Variants in GGT1 observed in about 807,000 individuals in gnomAD.
GGT1 encodes the protein gamma-glutamyltransferase 1, also known as glutathione hydrolase 1 proenzyme.
In GGT1, 21 loss-of-function variants were observed where a neutral mutation model predicts 56.0. That is an observed-to-expected ratio of 0.38 (90% CI 0.27 to 0.54). The LOEUF is 0.54. GGT1 is among the 20% of genes least tolerant of loss of function. The pLI is 0.82. For missense variants in GGT1, 466 were observed against 787.0 expected, an observed-to-expected ratio of 0.59 and a Z score of 4.88; for synonymous variants, 238 against 342.6, an observed-to-expected ratio of 0.69 and a Z score of 3.37.
At chr22:24,601,154 G>A (rs1194155559), upstream of GGT1, among the ~76,000 whole-genome samples, 3 of 152,290 alleles carry the variant, frequency 2.0e-5, no homozygotes, top group East Asian at 5.8e-4. Context: ...AGGGGTCCCT[G>A]AGATGTTGTT....
intron 7 of GGT1, among the ~76,000 whole-genome samples, chr22:24,618,881 T>C (rs2047231648): frequency 6.6e-6 from 1 of 152,128 alleles, no homozygotes; most frequent in Admixed American, 6.6e-5. Flanking sequence ...GGTCAGTGTC[T>C]GTAGTGTCCT....
At chr22:24,604,082 G>A (rs373347088) in intron 1 of GGT1, among the ~76,000 whole-genome samples, 2 of 151,880 alleles carry the variant, frequency 1.3e-5, no homozygotes, top group African/African-American at 2.4e-5. Context: ...CCAACTCCAC[G>A]TCTGGGTAGT....
intron 1 of GGT1, among the ~76,000 whole-genome samples, chr22:24,606,051 ATTATATTTATAT>A (rs1569050174): frequency 9.1e-5 from 8 of 88,216 alleles, no homozygotes; most frequent in East Asian, 5.3e-4. Flanking sequence ...TATATCATAT[ATTATATTTATAT>A]AATTTATATA....
chr22:24,619,300 A>G (rs2047258357), intron 7 of GGT1, among the ~76,000 whole-genome samples: 1 of 150,332 alleles, frequency 6.7e-6, no homozygotes. Flanking sequence ...TGGGAGGCTG[A>G]GGCAGGAGAA....
chr22:24,604,247 C>T (rs1274866022), intron 1 of GGT1, among the ~76,000 whole-genome samples: 1 of 152,126 alleles, frequency 6.6e-6, no homozygotes, highest in Non-Finnish European at 1.5e-5. Flanking sequence ...TTCCTGGGGC[C>T]AGCTGACCTC....
chr22:24,600,632 C>T (rs1258134960), upstream of GGT1, among the ~76,000 whole-genome samples: 1 of 152,236 alleles, frequency 6.6e-6, no homozygotes, highest in Non-Finnish European at 1.5e-5. Context: ...AGGAGTTCTG[C>T]CCATGCCCAC....
rs373428404 is a variant in GGT1 at position 24,623,213 on chromosome 22, G to T, written c.840G>T (p.Pro280=). Residue 280 remains proline, a synonymous_variant, in exon 10 of 16, where the codon CCG becomes CCT. Transcript: ENST00000400382. ...GDVVLYMPSA[P]LSGPVLALIL... ...TGGTGCTGTACATGCCCAGTGCGCC[G>T]CTCAGCGGGCCCGTGCTGGCCCTCA... 1.4e-5 allele frequency: 23 copies of T among 1,599,152 alleles called. No homozygotes were observed. The highest frequency in any genetic ancestry group is 1.9e-5 in the Non-Finnish European group (22 of 1,173,208).
At position 24,620,850 on chromosome 22, in the gene GGT1, G is replaced by A; in HGVS notation, c.576-63G>A. On this transcript the variant is annotated intron_variant, in intron 8 of 15. Coordinates refer to ENST00000400382, the MANE Select transcript of GGT1 (RefSeq NM_001288833.2). This position sits in a 1 kb window ranked among gnomAD's most constrained non-coding sequence, Gnocchi z 5.6. ...GCTCCGTTCTCCTGTGTGGACGGGT[G>A]TGAGGGGTGGTCTAGCTGAGTCCAC... The A allele has an allele frequency of 4.4e-6, 7 of 1,595,818 alleles. No homozygotes were observed. The highest frequency in any genetic ancestry group is 2.3e-4 in the Middle Eastern group (1 of 4,366).
the GGT1 span, among the ~76,000 whole-genome samples, chr22:24,584,731 C>G: frequency 6.6e-6 from 1 of 152,062 alleles, no homozygotes; most frequent in Non-Finnish European, 1.5e-5. Context: ...CCACTGCCCC[C>G]AGACCTTACC....
intron 1 of GGT1, among the ~76,000 whole-genome samples, chr22:24,605,926 TATATTATATATAATATATA>T (rs1343184807): frequency 0.023 from 2,164 of 93,784 alleles, 471 homozygotes; most frequent in African/African-American, 0.048. Context: ...ATGTGTATTA[TATATTATATATAATATATA>T]ATATTATATA....
upstream of GGT1, among the ~76,000 whole-genome samples, chr22:24,600,690 A>C (rs1402623153): frequency 6.6e-6 from 1 of 152,218 alleles, no homozygotes; most frequent in South Asian, 2.1e-4. Context: ...TAGCACCAGC[A>C]CTTCCATTGA....
intron 5 of GGT1, among the ~76,000 whole-genome samples, chr22:24,611,543 C>CT (rs1349743774): frequency 0.066 from 7,805 of 118,812 alleles, 278 homozygotes; most frequent in African/African-American, 0.12. Flanking sequence ...ATCTATCTAT[C>CT]ATCTATCTAT....
At position 24,607,243 on chromosome 22, in the gene GGT1, C is replaced by T. The variant is rs3895579; in HGVS notation, c.-428-711C>T. Among the ~76,000 whole-genome samples the T allele has an allele frequency of 1.1e-4, 17 of 151,892 alleles. No individual in the cohort carries two copies. The East Asian group carries it at 1.2e-3, about 10-fold the overall frequency. ...CACTCAGGGCCCCAGGCCATGTTCC[C>T]GGAACACACCTTTAGCATTGACAGC... is the stretch of plus-strand genomic sequence containing the variant. On this transcript the variant is annotated intron_variant, in intron 1 of 15. Transcript: ENST00000400382.
At chr22:24,604,163 G>A (rs1342742125) in intron 1 of GGT1, among the ~76,000 whole-genome samples, 1 of 140,030 alleles carries the variant, frequency 7.1e-6, no homozygotes, top group Admixed American at 7.1e-5. Flanking sequence ...CATATCGAGG[G>A]ATAGCGACTC....
chr22:24,588,675 T>A, the GGT1 span: 1 of 1,109,122 alleles, frequency 9.0e-7, no homozygotes, highest in Admixed American at 4.1e-5. Context: ...CTTCGGGGAC[T>A]TGCCACAGGG....
At chr22:24,602,436 G>C (rs1240879940), upstream of GGT1, among the ~76,000 whole-genome samples, 2 of 152,218 alleles carry the variant, frequency 1.3e-5, no homozygotes, top group Non-Finnish European at 2.9e-5. Context: ...GCCTTGCTAA[G>C]AGTGACAATA....
At chr22:24,621,107 C>A in intron 9 of GGT1, 37 bp downstream of exon 9, 1 of 1,550,522 alleles carries the variant, frequency 6.4e-7, no homozygotes, top group Non-Finnish European at 8.7e-7. Flanking sequence ...GTGAGGAACT[C>A]TGCAGTGGAA....
intron 7 of GGT1, among the ~76,000 whole-genome samples, chr22:24,617,691 C>T (rs1398323904): frequency 2.0e-5 from 3 of 151,886 alleles, no homozygotes; most frequent in African/African-American, 4.8e-5. Flanking sequence ...CACTCAGGAG[C>T]TCGGTTTTGG....
chr22:24,617,580 G>A (rs2047152095), intron 7 of GGT1, among the ~76,000 whole-genome samples: 1 of 152,046 alleles, frequency 6.6e-6, no homozygotes, highest in South Asian at 2.1e-4. Context: ...TGACGCTTGT[G>A]TAGGGAGTCC....
Sources: gnomAD v4.1 joint callset for allele counts (sites outside exome capture counted in the v4.1 genomes callset) on GRCh38, gnomAD v4.1.1 for gene constraint, Gnocchi (gnomAD v3.1) non-coding constraint, MANE v1.5 for transcripts, NCBI Gene and HGNC (gene_info 2026-07-23, HGNC 2026-07-21) for gene names.